Variants in HECW1 observed in about 807,000 individuals in gnomAD.
HECW1 encodes the protein E3 ubiquitin-protein ligase HECW1.
A neutral mutation model predicts 182.3 loss-of-function variants in HECW1; 61 were observed. The ratio of observed to expected loss-of-function variants is 0.33; its 90% CI spans 0.27 to 0.41. The LOEUF is 0.41. Among genes scored for constraint, HECW1 ranks in the 10% least tolerant of loss-of-function variants. The pLI is 1.00. For synonymous variants in HECW1, 859 were observed against 832.6 expected, an observed-to-expected ratio of 1.03 and a Z score of -0.55; for missense variants, 1,739 against 2,108.9, an observed-to-expected ratio of 0.82 and a Z score of 3.44.
chr7:43,315,918 T>C (rs1287547826), intron 4 of HECW1, among the ~76,000 whole-genome samples: 1 of 152,220 alleles, frequency 6.6e-6, no homozygotes, highest in Non-Finnish European at 1.5e-5. Flanking sequence ...ATCTTTTTTC[T>C]GATGGGTGTA....
At chr7:43,347,300 GA>G (rs1813813826) in intron 5 of HECW1, among the ~76,000 whole-genome samples, 1 of 151,990 alleles carries the variant, frequency 6.6e-6, no homozygotes, top group Admixed American at 6.6e-5. Context: ...AAAAGGGGTT[GA>G]GTTCTTGATT....
At chr7:43,408,229 A>T (rs911149664) in intron 8 of HECW1, among the ~76,000 whole-genome samples, 4 of 152,218 alleles carry the variant, frequency 2.6e-5, no homozygotes, top group African/African-American at 7.2e-5. Flanking sequence ...ATTTAAATAG[A>T]TAATGAAGCC....
intron 2 of HECW1, among the ~76,000 whole-genome samples, chr7:43,207,599 G>A (rs1204216298): frequency 1.3e-5 from 2 of 152,068 alleles, no homozygotes; most frequent in Non-Finnish European, 2.9e-5. Flanking sequence ...GAAATTTTAT[G>A]TCTTTCAACA....
At position 43,508,951 on chromosome 7, in the gene HECW1, C is replaced by T. The variant is rs760544472; in HGVS notation, c.3867-18C>T. ...CCGGGCACAGAATGAGCTTCCTGGA[C>T]CTCTGCTTTCTTTGCAGCCTGGACT... On this transcript the variant is annotated intron_variant, in intron 23 of 29. Transcript: ENST00000395891. 2 of 1,612,142 alleles carry T rather than the reference C, an allele frequency of 1.2e-6. No homozygotes were observed. Among genetic ancestry groups the T allele is most frequent in the African/African-American group, 2.7e-5 (2 of 74,958 alleles).
At chr7:43,275,225 G>A in intron 3 of HECW1, among the ~76,000 whole-genome samples, 1 of 152,000 alleles carries the variant, frequency 6.6e-6, no homozygotes, top group East Asian at 1.9e-4. Flanking sequence ...ACCATAATAT[G>A]GAATAATGTG....
Position 43,563,331 on chromosome 7 carries a change from C to T in HECW1, c.*1405C>T, listed in dbSNP as rs1417792833. On this transcript the variant is annotated 3_prime_UTR_variant, in exon 30 of 30. Coordinates refer to ENST00000395891, the MANE Select transcript of HECW1 (RefSeq NM_015052.5). ...CAACTACATTTGAAATAAACCCAACCATAATGGTCATTTGCTATTTTTCTA... is the reference window on the plus strand; with the variant it reads ...CAACTACATTTGAAATAAACCCAACTATAATGGTCATTTGCTATTTTTCTA... 2 of 210,176 alleles carry T rather than the reference C, an allele frequency of 9.5e-6. No individual in the cohort carries two copies. The highest frequency in any genetic ancestry group is 1.9e-5 in the Non-Finnish European group (2 of 103,670). The allele number at this position is 210,176 out of a possible 1,614,324, so 13.0% of individuals were successfully genotyped here.
chr7:43,357,527 A>G (rs1219321616), intron 5 of HECW1, among the ~76,000 whole-genome samples: 1 of 152,126 alleles, frequency 6.6e-6, no homozygotes, highest in Non-Finnish European at 1.5e-5. Flanking sequence ...TCTCATGGAG[A>G]TTGAGAGTAG....
At chr7:43,311,053 A>C (rs914984547) in intron 3 of HECW1, among the ~76,000 whole-genome samples, 1 of 152,240 alleles carries the variant, frequency 6.6e-6, no homozygotes, top group Admixed American at 6.5e-5. Flanking sequence ...TTAAGTGCTC[A>C]AAGTTGTAAA....
intron 2 of HECW1, among the ~76,000 whole-genome samples, chr7:43,172,484 A>G (rs575885433): frequency 9.2e-5 from 14 of 151,858 alleles, no homozygotes; most frequent in African/African-American, 3.4e-4. Context: ...ATCAAAATCC[A>G]TGTATACATC....
At chr7:43,500,020 G>T (rs1013239096) in intron 19 of HECW1, among the ~76,000 whole-genome samples, 2 of 151,710 alleles carry the variant, frequency 1.3e-5, no homozygotes, top group African/African-American at 4.8e-5. Context: ...TTTCCATCAG[G>T]CACAAGATTT....
chr7:43,383,132 A>G (rs2074625245), intron 6 of HECW1, among the ~76,000 whole-genome samples: 1 of 152,226 alleles, frequency 6.6e-6, no homozygotes, highest in South Asian at 2.1e-4. Context: ...TTATGGCAGC[A>G]TAGTATTCCA....
chr7:43,549,713 T>C (rs2081722233), intron 26 of HECW1, among the ~76,000 whole-genome samples: 1 of 152,120 alleles, frequency 6.6e-6, no homozygotes, highest in African/African-American at 2.4e-5. Context: ...CTGGTTCCCT[T>C]CCCAGGGTCA....
intron 13 of HECW1, among the ~76,000 whole-genome samples, chr7:43,458,240 G>A (rs1584968782): frequency 1.3e-5 from 2 of 152,236 alleles, no homozygotes; most frequent in South Asian, 4.1e-4. Flanking sequence ...CAATTGTTTA[G>A]CAGAGAAACA....
Position 43,467,702 on chromosome 7 carries a change from A to G in HECW1, c.2913+1134A>G, listed in dbSNP as rs143306627. ...TGGGAGCATGGCAAGGAATGGCTCC[A>G]TTCAGGGACATTTCTCGTGGACTCA... On this transcript the variant is annotated intron_variant, in intron 15 of 29. Coordinates refer to ENST00000395891, the MANE Select transcript of HECW1 (RefSeq NM_015052.5). Among the ~76,000 whole-genome samples the G allele has an allele frequency of 9.2e-5, 14 of 152,300 alleles. No homozygotes were observed. In the East Asian group the frequency reaches 2.7e-3, roughly 29 times the overall value.
chr7:43,231,840 C>A (rs1324255579), intron 2 of HECW1, among the ~76,000 whole-genome samples: 1 of 151,470 alleles, frequency 6.6e-6, no homozygotes, highest in Non-Finnish European at 1.5e-5. Flanking sequence ...CACAGTGAAA[C>A]CCTGTCTCTA....
At chr7:43,383,735 A>G (rs2074653185) in intron 6 of HECW1, among the ~76,000 whole-genome samples, 1 of 152,172 alleles carries the variant, frequency 6.6e-6, no homozygotes, top group Non-Finnish European at 1.5e-5. Flanking sequence ...TAGGGCTTCC[A>G]ATCCCCCATG....
At chr7:43,552,178 C>A (rs1417650818) in intron 27 of HECW1, 44 bp from the exon 28 acceptor site, 1 of 1,154,638 alleles carries the variant, frequency 8.7e-7, no homozygotes, top group African/African-American at 1.5e-5. Flanking sequence ...CATAGCCTTT[C>A]CATGTGTTTG....
intron 11 of HECW1, 52 bp from the exon 12 acceptor site, chr7:43,450,776 A>T: frequency 8.9e-7 from 1 of 1,129,088 alleles, no homozygotes. Flanking sequence ...TTTTTTGATG[A>T]TGTTGCCACG....
intron 12 of HECW1, among the ~76,000 whole-genome samples, chr7:43,454,243 C>A (rs181586616): frequency 6.6e-6 from 1 of 152,214 alleles, no homozygotes; most frequent in African/African-American, 2.4e-5. Context: ...CTGGCACAGT[C>A]TCTAGTTCAG....
Sources: allele counts gnomAD v4.1 joint callset (sites outside exome capture counted in the v4.1 genomes callset), GRCh38; gene constraint gnomAD v4.1.1; transcripts MANE v1.5; gene names NCBI Gene and HGNC (gene_info 2026-07-23, HGNC 2026-07-21).